CDK12: variants seen among roughly 807,000 people sequenced by gnomAD.
CDK12 encodes the protein cyclin dependent kinase 12, also known as cyclin-dependent kinase 12.
CDK12 carries 17 observed loss-of-function variants against 133.8 expected under a neutral mutation model. The ratio of observed to expected loss-of-function variants is 0.13; its 90% CI spans 0.09 to 0.19. The LOEUF (loss-of-function observed/expected upper bound fraction) is 0.19. CDK12 is among the 10% of genes least tolerant of loss of function. The pLI, the probability that CDK12 is intolerant of heterozygous loss-of-function variation, is 1.00. For synonymous variants in CDK12, 694 were observed against 683.6 expected, an observed-to-expected ratio of 1.02 and a Z score of -0.24; for missense variants, 1,508 against 1,818.7, an observed-to-expected ratio of 0.83 and a Z score of 3.11.
chr17:39,504,581 T>G (rs2052959429), intron 6 of CDK12, among the ~76,000 whole-genome samples: 1 of 152,040 alleles, frequency 6.6e-6, no homozygotes, highest in Non-Finnish European at 1.5e-5. Flanking sequence ...TTTGAATATA[T>G]TTAAATGCTA....
At chr17:39,473,647 TTGGGA>T (rs2049967234) in intron 2 of CDK12, among the ~76,000 whole-genome samples, 1 of 151,968 alleles carries the variant, frequency 6.6e-6, no homozygotes, top group Admixed American at 6.6e-5. Flanking sequence ...TCCCAGCACT[TTGGGA>T]GGCCAAGGCG....
At chr17:39,562,515 C>T (rs1045887343) in intron 3 of CDK12, among the ~76,000 whole-genome samples, 1 of 152,094 alleles carries the variant, frequency 6.6e-6, no homozygotes, top group Admixed American at 6.6e-5. Flanking sequence ...TATTCAGGTC[C>T]CCACCTCTCC....
intron 11 of CDK12, among the ~76,000 whole-genome samples, chr17:39,524,344 A>G (rs1042889016): frequency 6.6e-6 from 1 of 152,214 alleles, no homozygotes; most frequent in African/African-American, 2.4e-5. Flanking sequence ...CCCTACTGAA[A>G]CTTGACCAAT....
rs557145560 is a variant in CDK12, at chr17:39,493,555, A to T, written c.2248+665A>T. 8.0e-5 allele frequency among the ~76,000 whole-genome samples: 12 copies of T among 149,846 alleles called. No homozygotes were observed. The Middle Eastern group carries it at 0.011, about 136-fold the overall frequency. On this transcript the variant is annotated intron_variant, in intron 4 of 13. Coordinates refer to ENST00000447079, the MANE Select transcript of CDK12 (RefSeq NM_016507.4). ...ATTCCAGGCTGGTCTTGAACTCCTA[A>T]CCTGAAATAGCCACCCACCTCAGCC...
chr17:39,484,496 G>A (rs1436265954), intron 2 of CDK12, among the ~76,000 whole-genome samples: 2 of 152,084 alleles, frequency 1.3e-5, no homozygotes, highest in Admixed American at 6.6e-5. Context: ...TATGCTAAAG[G>A]TGATAATGTT....
chr17:39,552,868 A>G (rs532245201), intron 2 of CDK12, among the ~76,000 whole-genome samples: 56 of 152,094 alleles, frequency 3.7e-4, no homozygotes, highest in Admixed American at 1.3e-3. Context: ...ACCTGGGATT[A>G]TAGGTGCGCA....
At position 39,490,680 on chromosome 17, in the gene CDK12, T is replaced by C. The variant is rs776317884; in HGVS notation, c.2055T>C (p.Ser685=). The part of the protein sequence containing the change: ...LPGGDLSPPD[S]PEPKAITPPQ... ...GTGGAGATCTGTCTCCCCCAGACTC[T>C]CCAGAACCAAAGGCAATCACACCAC... The change falls in exon 3 of 14, where the codon TCT becomes TCC. Residue 685 remains serine, a synonymous_variant. Coordinates refer to ENST00000447079, the MANE Select transcript of CDK12 (RefSeq NM_016507.4). The C allele has an allele frequency of 3.5e-5, 57 of 1,613,386 alleles. No individual in the cohort carries two copies. The highest frequency in any genetic ancestry group is 4.7e-5 in the Non-Finnish European group (55 of 1,179,730).
intron 2 of CDK12, among the ~76,000 whole-genome samples, chr17:39,479,062 A>G (rs993011827): frequency 2.6e-5 from 4 of 152,188 alleles, no homozygotes; most frequent in Admixed American, 2.6e-4. Flanking sequence ...TAATCCCAGC[A>G]CTTTGGAAGG....
Position 39,462,703 on chromosome 17 carries a change from A to G in CDK12, c.632A>G (p.Lys211Arg). 1.9e-6 allele frequency: 3 copies of G among 1,614,220 alleles called. No homozygotes were observed. The highest frequency in any genetic ancestry group is 2.5e-6 in the Non-Finnish European group (3 of 1,180,030). Residue 211 changes from lysine to arginine, a missense_variant, in exon 1 of 14, where the codon AAA becomes AGA. Physicochemically the swap from Lys to Arg is conservative, Grantham distance 26. Coordinates refer to ENST00000447079, the MANE Select transcript of CDK12 (RefSeq NM_016507.4). ...AAAAGGGAAACACCCAAAAGTTACA[A>G]AACAGTGGACAGCCCAAAACGGAGA... ...HRKRETPKSYKTVDSPKRRSR... is the reference protein window; with the variant it reads ...HRKRETPKSYRTVDSPKRRSR...
At chr17:39,474,748 G>A (rs905512730) in intron 2 of CDK12, among the ~76,000 whole-genome samples, 7 of 148,652 alleles carry the variant, frequency 4.7e-5, no homozygotes, top group Admixed American at 4.7e-4. Context: ...TTAAGGAATG[G>A]CTCCATCACT....
intron 2 of CDK12, among the ~76,000 whole-genome samples, chr17:39,480,699 A>G (rs2050575384): frequency 6.6e-6 from 1 of 152,104 alleles, no homozygotes. Flanking sequence ...CTGGGATTAC[A>G]GGTGTGAGCC....
In CDK12 at chr17:39,463,103, G is replaced by A. The variant is rs777563663; in HGVS notation, c.1032G>A (p.Arg344=). The change falls in exon 1 of 14, where the codon CGG becomes CGA. Residue 344 remains arginine, a synonymous_variant. Coordinates refer to ENST00000447079, the MANE Select transcript of CDK12 (RefSeq NM_016507.4). ...SPFLSKRSLS[R]SPLPSRKSMK... ...TCCTGAGCAAGCGGTCTCTGAGTCG[G>A]AGTCCACTCCCCAGGTGAGCTATTT... 2 of 1,614,024 alleles carry A rather than the reference G, an allele frequency of 1.2e-6. No individual in the cohort carries two copies. The highest frequency in any genetic ancestry group is 1.7e-6 in the Non-Finnish European group (2 of 1,179,938).
At chr17:39,485,570 GCCTGGC>G (rs994900003) in intron 2 of CDK12, among the ~76,000 whole-genome samples, 3 of 147,620 alleles carry the variant, frequency 2.0e-5, no homozygotes, top group African/African-American at 8.0e-5. Context: ...GTGCCACCAC[GCCTGGC>G]TAATTTTTTT....
At chr17:39,523,936 C>A (rs527829265) in intron 11 of CDK12, among the ~76,000 whole-genome samples, 85 of 152,318 alleles carry the variant, frequency 5.6e-4, no homozygotes, top group African/African-American at 2.0e-3. Flanking sequence ...CAGGCATGAG[C>A]TGCCGCGCCC....
chr17:39,544,877 G>A (rs1036647383), upstream of CDK12, among the ~76,000 whole-genome samples: 4 of 152,096 alleles, frequency 2.6e-5, no homozygotes, highest in South Asian at 8.3e-4. Context: ...TAATCCGCCC[G>A]CCTCAGCCTC....
At chr17:39,465,287 C>T (rs2049221432) in intron 1 of CDK12, among the ~76,000 whole-genome samples, 1 of 145,754 alleles carries the variant, frequency 6.9e-6, no homozygotes, top group Admixed American at 6.9e-5. Context: ...ATTTTGTAAT[C>T]TATCTACCTG....
Position 39,526,105 on chromosome 17 carries a change from C to T in CDK12, c.3549C>T (p.Pro1183=), listed in dbSNP as rs374798711. Residue 1183 remains proline, a synonymous_variant, in exon 13 of 14, where the codon CCC becomes CCT. Coordinates refer to ENST00000447079, the MANE Select transcript of CDK12 (RefSeq NM_016507.4). ...MAPEESLKEA[P]SAPVILPSAE... is the part of the protein sequence containing the mutation. The stretch of plus-strand genomic sequence containing the variant: ...CAGAGGAGTCTTTGAAGGAAGCACC[C>T]TCTGCCCCAGTGATCCTGCCTTCAG... 14 of 1,614,230 alleles carry T rather than the reference C, an allele frequency of 8.7e-6. No homozygotes were observed. Among genetic ancestry groups the T allele is most frequent in the Non-Finnish European group, 1.2e-5 (14 of 1,180,044 alleles).
At chr17:39,469,706 C>T (rs1005353610) in intron 1 of CDK12, among the ~76,000 whole-genome samples, 2 of 148,332 alleles carry the variant, frequency 1.3e-5, no homozygotes, top group African/African-American at 2.5e-5. Flanking sequence ...GGCACAATCT[C>T]GGCTCACCGT....
In CDK12 at chr17:39,534,392, T is replaced by C. The variant is rs1409792275; in HGVS notation, c.*3076T>C. On this transcript the variant is annotated 3_prime_UTR_variant, in exon 14 of 14. Coordinates refer to ENST00000447079, the MANE Select transcript of CDK12 (RefSeq NM_016507.4). Reference sequence around the variant, plus strand: ...GCCACCTCATTCTCCCTGATTTAGGTTCCTGACACTGATTCCTTTCTCTCT... The same window carrying C: ...GCCACCTCATTCTCCCTGATTTAGGCTCCTGACACTGATTCCTTTCTCTCT... 1 of 232,778 alleles carries C rather than the reference T, an allele frequency of 4.3e-6. No individual in the cohort carries two copies. Among genetic ancestry groups the C allele is most frequent in the Non-Finnish European group, 8.5e-6 (1 of 117,778 alleles). The allele number at this position is 232,778 out of a possible 1,614,324, so 14.4% of individuals were successfully genotyped here. A position where few individuals can be genotyped will look rare whatever the true frequency, so the allele number is the denominator to read the frequency against.
Sources: gnomAD v4.1 joint callset for allele counts (sites outside exome capture counted in the v4.1 genomes callset) on GRCh38, gnomAD v4.1.1 for gene constraint, MANE v1.5 for transcripts, NCBI Gene and HGNC (gene_info 2026-07-23, HGNC 2026-07-21) for gene names.